Variants in SLC25A29 observed in about 807,000 individuals in gnomAD.
The protein encoded by SLC25A29 is mitochondrial basic amino acids transporter.
In SLC25A29, 13 loss-of-function variants were observed where a neutral mutation model predicts 10.0. The observed-to-expected ratio is 1.30, with a 90% confidence interval of 0.85 to 2.07. The LOEUF is 2.07. SLC25A29 is among the 30% of genes most tolerant of loss of function. SLC25A29 has a pLI of 0.00. For synonymous variants in SLC25A29, 244 were observed against 221.1 expected (o/e 1.10, Z -0.92); for missense variants, 475 against 447.6 (o/e 1.06, Z -0.55).
the SLC25A29 span, chr14:100,279,961 C>T: frequency 6.6e-6 from 1 of 152,354 alleles, no homozygotes; most frequent in Non-Finnish European, 1.5e-5. Flanking sequence ...TGCCTTTGGT[C>T]ATCTCTTCTG....
At chr14:100,303,878 C>T (rs1892729992) in intron 1 of SLC25A29, among the ~76,000 whole-genome samples, 2 of 152,128 alleles carry the variant, frequency 1.3e-5, no homozygotes, top group African/African-American at 4.8e-5. Flanking sequence ...TACCTCTCCT[C>T]CCGGGTTCTC....
Position 100,292,154 on chromosome 14 carries a change from A to G in SLC25A29, c.*129T>C. 1 of 1,289,900 alleles carries G rather than the reference A, an allele frequency of 7.8e-7. No individual in the cohort carries two copies. Among genetic ancestry groups the G allele is most frequent in the East Asian group, 2.7e-5 (1 of 37,320 alleles). 79.9% of individuals were successfully genotyped at this position (1,289,900 alleles called of 1,614,324 possible). On this transcript the variant is annotated 3_prime_UTR_variant, in exon 4 of 4. Transcript: ENST00000359232. ...CAAAACTACCCAGCTGATCAGCAAA[A>G]TTCAGCCCACGTCTGATAGACTCCA...
At chr14:100,288,767 A>G (rs191360164), downstream of SLC25A29, among the ~76,000 whole-genome samples, 7 of 152,330 alleles carry the variant, frequency 4.6e-5, no homozygotes, top group East Asian at 7.7e-4. Context: ...AGTTTATCCA[A>G]TGAAATATGC....
At chr14:100,296,292 G>A (rs971900832) in intron 2 of SLC25A29, 2 of 308,924 alleles carry the variant, frequency 6.5e-6, no homozygotes, top group Non-Finnish European at 1.3e-5. Context: ...AGCTAGGCAT[G>A]GTGGTGTGTG....
intron 2 of SLC25A29, 152 bp downstream of exon 2, chr14:100,298,690 G>T: frequency 1.0e-6 from 1 of 967,510 alleles, no homozygotes; most frequent in Admixed American, 1.8e-5. Flanking sequence ...GGAGATGCCA[G>T]GACAAAGCAG....
chr14:100,279,230 G>A, the SLC25A29 span: 1 of 152,230 alleles, frequency 6.6e-6, no homozygotes, highest in African/African-American at 2.4e-5. Context: ...AACATACTGT[G>A]TGTCTTTCTG....
At chr14:100,295,467 T>C in intron 2 of SLC25A29, 1 of 773,332 alleles carries the variant, frequency 1.3e-6, no homozygotes, top group South Asian at 1.8e-5. Context: ...GGCTGATTTT[T>C]TTTGGCCAGC....
intron 2 of SLC25A29, chr14:100,295,530 C>A: frequency 2.4e-6 from 3 of 1,234,782 alleles, no homozygotes; most frequent in Non-Finnish European, 3.1e-6. Context: ...TCACACCCTC[C>A]CTGTCCCCTG....
chr14:100,290,067 C>T (rs961749968), downstream of SLC25A29, among the ~76,000 whole-genome samples: 1 of 152,176 alleles, frequency 6.6e-6, no homozygotes, highest in African/African-American at 2.4e-5. Flanking sequence ...AGAGGGCAGG[C>T]AGCCGCAGGG....
intron 2 of SLC25A29, 93 bp downstream of exon 2, chr14:100,298,749 G>T: frequency 6.6e-7 from 1 of 1,514,082 alleles, no homozygotes; most frequent in Non-Finnish European, 9.2e-7. Flanking sequence ...CCCACCTGGG[G>T]CTGTACACGG....
At chr14:100,293,571 C>T in intron 2 of SLC25A29, 194 bp from the exon 3 acceptor site, 1 of 595,408 alleles carries the variant, frequency 1.7e-6, no homozygotes, top group East Asian at 2.8e-5. Context: ...AGTAGGCAAA[C>T]AGCTAAAGGG....
intron 1 of SLC25A29, chr14:100,299,937 GA>G: frequency 5.1e-6 from 5 of 985,392 alleles, no homozygotes; most frequent in Non-Finnish European, 6.0e-6. Context: ...TCCACAAATT[GA>G]ACTTTGTATC....
intron 2 of SLC25A29, among the ~76,000 whole-genome samples, chr14:100,297,739 C>T (rs1892267112): frequency 1.3e-5 from 2 of 152,226 alleles, no homozygotes; most frequent in South Asian, 4.1e-4. Flanking sequence ...TCAGCCTCCT[C>T]CCCAAATTGG....
intron 2 of SLC25A29, chr14:100,295,803 CAGGGATGGCCGGTCACCCCCTCATCAT>C: frequency 7.8e-7 from 1 of 1,289,576 alleles, no homozygotes; most frequent in Non-Finnish European, 1.0e-6. Flanking sequence ...ATCCCATGCC[CAGGGATGGCCGGTCACCCCCTCATCAT>C]AGGTCAAGAC....
At chr14:100,289,231 A>G (rs976964738), downstream of SLC25A29, among the ~76,000 whole-genome samples, 6 of 152,192 alleles carry the variant, frequency 3.9e-5, no homozygotes, top group Admixed American at 2.0e-4. Context: ...GTTTAGCCAC[A>G]GTGTGTGGTG....
the SLC25A29 span, chr14:100,280,638 AGTTCTAAAT>A: frequency 6.6e-6 from 1 of 152,002 alleles, no homozygotes; most frequent in Non-Finnish European, 1.5e-5. Context: ...TTCATGTAAA[AGTTCTAAAT>A]GTCACTTATT....
chr14:100,301,631 T>A (rs573790905), intron 1 of SLC25A29, among the ~76,000 whole-genome samples: 1 of 152,204 alleles, frequency 6.6e-6, no homozygotes, highest in South Asian at 2.1e-4. Context: ...TGCCTCAGCC[T>A]CCCGAGTAGA....
chr14:100,293,520 A>T, intron 2 of SLC25A29, 143 bp from the exon 3 acceptor site: 3 of 608,348 alleles, frequency 4.9e-6, no homozygotes, highest in African/African-American at 1.9e-5. Flanking sequence ...ATTCCAGGGC[A>T]GGGTGGGCCG....
rs1892327338 is a variant in SLC25A29, at chr14:100,298,582, T to TGGG, written c.78+259_78+260insCCC. ...TCTGCATGGGAACATGTGGGTGCCCTTGCTCTGGGTGGGAGAAAACCTCAG... is the reference window on the plus strand; with the variant it reads ...TCTGCATGGGAACATGTGGGTGCCCTGGGTGCTCTGGGTGGGAGAAAACCTCAG... On this transcript the variant is annotated intron_variant, in intron 2 of 3. Coordinates refer to ENST00000359232, the MANE Select transcript of SLC25A29 (RefSeq NM_001039355.3). 4 of 570,498 alleles carry TGGG rather than the reference T, an allele frequency of 7.0e-6. No individual in the cohort carries two copies. In the South Asian group the frequency reaches 7.9e-5, roughly 11 times the overall value. 35.3% of individuals were successfully genotyped at this position (570,498 alleles called of 1,614,324 possible). A position where few individuals can be genotyped will look rare whatever the true frequency, so the allele number is the denominator to read the frequency against.
Sources: allele counts gnomAD v4.1 joint callset (sites outside exome capture counted in the v4.1 genomes callset), GRCh38; gene constraint gnomAD v4.1.1; transcripts MANE v1.5; gene names NCBI Gene and HGNC (gene_info 2026-07-23, HGNC 2026-07-21).